Variants in MINAR1 observed in about 807,000 individuals in gnomAD.
MINAR1 encodes major intrinsically disordered Notch2-binding receptor 1.
MINAR1 carries 40 observed loss-of-function variants against 65.1 expected under a neutral mutation model. That is an observed-to-expected ratio of 0.61 (90% CI 0.48 to 0.80). The LOEUF (loss-of-function observed/expected upper bound fraction) is 0.80. MINAR1 is among the 30% of genes least tolerant of loss of function. The pLI is 0.00. For missense variants in MINAR1, 1,128 were observed against 1,148.0 expected (o/e 0.98, Z 0.25); for synonymous variants, 482 against 449.1 (o/e 1.07, Z -0.93).
upstream of MINAR1, among the ~76,000 whole-genome samples, chr15:79,430,830 G>T (rs916064049): frequency 6.6e-6 from 1 of 152,192 alleles, no homozygotes; most frequent in African/African-American, 2.4e-5. Context: ...CCCTGATAGG[G>T]CGTTATTTAA....
chr15:79,465,259 A>G (rs892797634), intron 3 of MINAR1, among the ~76,000 whole-genome samples: 6 of 152,140 alleles, frequency 3.9e-5, no homozygotes, highest in East Asian at 3.9e-4. Context: ...AGTAAGCACA[A>G]CCTTTTTTCT....
At chr15:79,437,832 A>G (rs1415527303) in intron 1 of MINAR1, among the ~76,000 whole-genome samples, 1 of 9,170 alleles carries the variant, frequency 1.1e-4, no homozygotes. Flanking sequence ...GGGTGTGTGT[A>G]GGGAGTGTGT....
In MINAR1 at chr15:79,457,488, G is replaced by A; in HGVS notation, c.1341G>A (p.Glu447=). 6.2e-7 allele frequency: 1 copy of A among 1,614,190 alleles called. No individual in the cohort carries two copies. The highest frequency in any genetic ancestry group is 8.5e-7 in the Non-Finnish European group (1 of 1,180,032). The change falls in exon 2 of 4, where the codon GAG becomes GAA. Residue 447 remains glutamate, a synonymous_variant. Coordinates refer to ENST00000305428, the MANE Select transcript of MINAR1 (RefSeq NM_015206.3). ...AGATCTCATCCCCTGTTGACCTGGA[G>A]AAGCATGAACCAGTCAAAAAGTTTA... is the stretch of plus-strand genomic sequence containing the variant. The part of the protein sequence containing the change: ...SKEISSPVDL[E]KHEPVKKFKD...
rs369921102 is a variant in MINAR1, at chr15:79,455,506, C to T, written c.-50-592C>T. Reference sequence around the variant, plus strand: ...CCACCACCACAACCAGGATGTAGAACAATGATATCATTTAGGAAAACTTCT... The same window carrying T: ...CCACCACCACAACCAGGATGTAGAATAATGATATCATTTAGGAAAACTTCT... On this transcript the variant is annotated intron_variant, in intron 1 of 3. Transcript: ENST00000305428. Among the ~76,000 whole-genome samples, 69 of 152,300 alleles carry T rather than the reference C, an allele frequency of 4.5e-4. 1 individual carries two copies. In the East Asian group the frequency reaches 0.012, roughly 26 times the overall value.
rs575338949 is a variant in MINAR1 at position 79,444,309 on chromosome 15, ATTAT to A, written c.-51+11775_-51+11778del. Among the ~76,000 whole-genome samples, 16 of 152,244 alleles carry A rather than the reference ATTAT, an allele frequency of 1.1e-4. No individual in the cohort carries two copies. In the South Asian group the frequency reaches 3.1e-3, roughly 30 times the overall value. ...ATGTTACCTATGTTAATGTTGTTCC[ATTAT>A]TTATTCATGTCTCTTTTCTTTTTTT... On this transcript the variant is annotated intron_variant, in intron 1 of 3. Coordinates refer to ENST00000305428, the MANE Select transcript of MINAR1 (RefSeq NM_015206.3).
chr15:79,427,703 C>T (rs902631466), upstream of MINAR1, among the ~76,000 whole-genome samples: 2 of 152,188 alleles, frequency 1.3e-5, no homozygotes, highest in African/African-American at 4.8e-5. Context: ...AAAATTATAT[C>T]TTAAATGATC....
chr15:79,469,975 G>T lies in MINAR1; in HGVS notation c.*1591G>T, dbSNP rs906372122. 3 of 152,574 alleles carry T rather than the reference G, an allele frequency of 2.0e-5. No individual in the cohort carries two copies. Among genetic ancestry groups the T allele is most frequent in the Non-Finnish European group, 4.4e-5 (3 of 68,026 alleles). 9.5% of individuals were successfully genotyped at this position (152,574 alleles called of 1,614,324 possible). A position where few individuals can be genotyped will look rare whatever the true frequency, so the allele number is the denominator to read the frequency against. Reference sequence around the variant, plus strand: ...TGCTTAGCTTGCTGTGTCTGATTCTGTTGTTCACCATTAAGGGGTAGACAG... The same window carrying T: ...TGCTTAGCTTGCTGTGTCTGATTCTTTTGTTCACCATTAAGGGGTAGACAG... On this transcript the variant is annotated 3_prime_UTR_variant, in exon 4 of 4. Transcript: ENST00000305428.
chr15:79,447,124 A>C (rs1423906932), intron 1 of MINAR1, among the ~76,000 whole-genome samples: 1 of 152,022 alleles, frequency 6.6e-6, no homozygotes, highest in South Asian at 2.1e-4. Flanking sequence ...CTGACCTCAA[A>C]TGATCCACCC....
chr15:79,418,940 T>A, the MINAR1 span: 1 of 152,152 alleles, frequency 6.6e-6, no homozygotes, highest in African/African-American at 2.4e-5. Context: ...ACTAACTGAG[T>A]CTTGGCTAAG....
intron 1 of MINAR1, among the ~76,000 whole-genome samples, chr15:79,447,931 A>G (rs1895068923): frequency 6.6e-6 from 1 of 152,176 alleles, no homozygotes; most frequent in South Asian, 2.1e-4. Flanking sequence ...TTATGCAGAC[A>G]TCTGTGTTTC....
intron 3 of MINAR1, among the ~76,000 whole-genome samples, chr15:79,466,904 A>G (rs945491825): frequency 1.3e-5 from 2 of 152,210 alleles, no homozygotes; most frequent in African/African-American, 4.8e-5. Context: ...GGTGTCCAAT[A>G]GGAGCTGGGC....
At position 79,458,151 on chromosome 15, in the gene MINAR1, T is replaced by C. The variant is rs781258356; in HGVS notation, c.2004T>C (p.Ser668=). ...CTCCCCGGATGTTCCACGCACACAGTGGCTCCCACGGACCCAAACTAGAGA... is the reference window on the plus strand; with the variant it reads ...CTCCCCGGATGTTCCACGCACACAGCGGCTCCCACGGACCCAAACTAGAGA... ...SASPRMFHAH[S]GSHGPKLENN... is the part of the protein sequence containing the mutation. The change falls in exon 2 of 4, where the codon AGT becomes AGC. Residue 668 remains serine, a synonymous_variant. Coordinates refer to ENST00000305428, the MANE Select transcript of MINAR1 (RefSeq NM_015206.3). The C allele has an allele frequency of 2.5e-6, 4 of 1,614,150 alleles. No individual in the cohort carries two copies. The highest frequency in any genetic ancestry group is 3.4e-6 in the Non-Finnish European group (4 of 1,179,998).
At chr15:79,439,203 G>A (rs1350722605) in intron 1 of MINAR1, among the ~76,000 whole-genome samples, 2 of 84,012 alleles carry the variant, frequency 2.4e-5, no homozygotes, top group African/African-American at 8.7e-5. Flanking sequence ...TGTGGGGTGG[G>A]TAGTGAGTGT....
Position 79,447,102 on chromosome 15 carries a change from G to A in MINAR1, c.-50-8996G>A, listed in dbSNP as rs565018734. On this transcript the variant is annotated intron_variant, in intron 1 of 3. Transcript: ENST00000305428. ...AGGGTTTCACCATGTTGGCCAGGCT[G>A]GTCTTGAACTCCTGACCTCAAATGA... Among the ~76,000 whole-genome samples, 66 of 152,180 alleles carry A rather than the reference G, an allele frequency of 4.3e-4. No individual in the cohort carries two copies. In the Middle Eastern group the frequency reaches 0.02, roughly 47 times the overall value.
chr15:79,439,747 T>A (rs1471236464), intron 1 of MINAR1, among the ~76,000 whole-genome samples: 1 of 151,904 alleles, frequency 6.6e-6, no homozygotes, highest in Non-Finnish European at 1.5e-5. Flanking sequence ...GAGCACAGTG[T>A]CTGGCTCAGG....
At position 79,470,127 on chromosome 15, in the gene MINAR1, C is replaced by A. The variant is rs111805056; in HGVS notation, c.*1743C>A. The stretch of plus-strand genomic sequence containing the variant: ...TGTATGGATTTTCAATTTCAGTAAC[C>A]GAAAACTTAAGCCTTAGTATGAAAA... On this transcript the variant is annotated 3_prime_UTR_variant, in exon 4 of 4. Transcript: ENST00000305428. 1 of 152,190 alleles carries A rather than the reference C, an allele frequency of 6.6e-6. No homozygotes were observed. The highest frequency in any genetic ancestry group is 2.4e-5 in the African/African-American group (1 of 41,316). The allele number at this position is 152,190 out of a possible 1,614,324, so 9.4% of individuals were successfully genotyped here.
upstream of MINAR1, among the ~76,000 whole-genome samples, chr15:79,428,295 C>T (rs1279236166): frequency 7.8e-5 from 7 of 89,870 alleles, no homozygotes; most frequent in Non-Finnish European, 1.4e-4. Context: ...TCCCTCCCTC[C>T]TTCCTTCTTC....
intron 2 of MINAR1, among the ~76,000 whole-genome samples, chr15:79,462,226 A>G (rs1222491963): frequency 6.6e-6 from 1 of 152,154 alleles, no homozygotes; most frequent in Admixed American, 6.6e-5. Flanking sequence ...CTCATAGTTT[A>G]GCAGAGGAGC....
chr15:79,417,533 T>C, the MINAR1 span: 2 of 152,224 alleles, frequency 1.3e-5, no homozygotes, highest in Non-Finnish European at 2.9e-5. Flanking sequence ...GCTTCCTCCT[T>C]CATTAATTGG....
Sources: gnomAD v4.1 joint callset for allele counts (sites outside exome capture counted in the v4.1 genomes callset) on GRCh38, gnomAD v4.1.1 for gene constraint, MANE v1.5 for transcripts, NCBI Gene and HGNC (gene_info 2026-07-23, HGNC 2026-07-21) for gene names.